The following CELF1 variants were observed in gnomAD, a reference collection of about 807,000 sequenced individuals.
The protein encoded by CELF1 is 50 kDa nuclear polyadenylated RNA-binding protein.
In CELF1, 10 loss-of-function variants were observed where a neutral mutation model predicts 61.8. The observed-to-expected ratio is 0.16, with a 90% CI of 0.10 to 0.27. The LOEUF (loss-of-function observed/expected upper bound fraction) is 0.27, where lower values mean the gene tolerates loss of function less well. CELF1 is among the 10% of genes least tolerant of loss of function. CELF1 has a pLI of 1.00. For synonymous variants in CELF1, 236 were observed against 225.1 expected (o/e 1.05, Z -0.43); for missense variants, 380 against 639.1 (o/e 0.59, Z 4.37).
chr11:47,532,511 TAG>T (rs1175986665), intron 1 of CELF1, among the ~76,000 whole-genome samples: 2 of 152,204 alleles, frequency 1.3e-5, no homozygotes, highest in African/African-American at 4.8e-5. Flanking sequence ...CTTCCATGGA[TAG>T]AAAGTTTCTC....
chr11:47,554,060 C>T (rs1012869762), upstream of CELF1, among the ~76,000 whole-genome samples: 2 of 152,064 alleles, frequency 1.3e-5, no homozygotes, highest in African/African-American at 4.8e-5. Context: ...TGGTTTCTCT[C>T]TAACATCATC....
intron 1 of CELF1, among the ~76,000 whole-genome samples, chr11:47,551,521 T>G (rs1181589697): frequency 6.6e-6 from 1 of 152,184 alleles, no homozygotes; most frequent in African/African-American, 2.4e-5. Flanking sequence ...ATTCCATGAT[T>G]TTCTAAGTGG....
At chr11:47,491,265 T>C (rs945527048) in intron 3 of CELF1, among the ~76,000 whole-genome samples, 8 of 151,734 alleles carry the variant, frequency 5.3e-5, no homozygotes, top group Admixed American at 2.0e-4. Flanking sequence ...CAGGTTCAAG[T>C]GATTCTCATG....
At chr11:47,565,321 A>T in exon 1 of CELF1, 1 of 193,426 alleles carries the variant, frequency 5.2e-6, no homozygotes, top group Non-Finnish European at 1.1e-5. Context: ...CACCGGCCAC[A>T]GGCGGGGGCC....
intron 2 of CELF1, among the ~76,000 whole-genome samples, chr11:47,500,442 C>T (rs2093752791): frequency 2.0e-5 from 3 of 152,038 alleles, no homozygotes; most frequent in Admixed American, 1.3e-4. Context: ...TTCTTACTAG[C>T]ATACTAGGAA....
intron 3 of CELF1, among the ~76,000 whole-genome samples, chr11:47,498,183 G>A (rs1038286766): frequency 1.3e-5 from 2 of 152,148 alleles, no homozygotes; most frequent in Non-Finnish European, 2.9e-5. Context: ...GAGGCAGCAG[G>A]ATAGCTTGAG....
intron 3 of CELF1, among the ~76,000 whole-genome samples, chr11:47,493,317 A>G (rs1019104790): frequency 4.1e-5 from 6 of 144,994 alleles, no homozygotes; most frequent in Non-Finnish European, 9.0e-5. Flanking sequence ...CCTGAACAAC[A>G]CGGTGAAACC....
intron 1 of CELF1, among the ~76,000 whole-genome samples, chr11:47,539,417 C>T (rs1565901746): frequency 6.6e-6 from 1 of 152,096 alleles, no homozygotes; most frequent in South Asian, 2.1e-4. Flanking sequence ...TTTGGGAGGC[C>T]GATGCGGACA....
At chr11:47,549,831 T>C (rs2097091977) in intron 1 of CELF1, among the ~76,000 whole-genome samples, 1 of 151,784 alleles carries the variant, frequency 6.6e-6, no homozygotes, top group Non-Finnish European at 1.5e-5. Context: ...TTTTTTTTTT[T>C]TCTGAGACAG....
At chr11:47,472,681 T>C (rs1482134965) in intron 14 of CELF1, among the ~76,000 whole-genome samples, 1 of 152,032 alleles carries the variant, frequency 6.6e-6, no homozygotes, top group Non-Finnish European at 1.5e-5. Context: ...CAGCCTCAAG[T>C]AGCTGGGAAC....
At position 47,529,568 on chromosome 11, in the gene CELF1, AG is replaced by A. The variant is rs532433448; in HGVS notation, c.-154+23423del. ...CAGCCACTTGGGAGGCTGAGGCAGG[AG>A]AATCATTTGAACCCAGGAAGTGGAG... On this transcript the variant is annotated intron_variant, in intron 1 of 14. Transcript: ENST00000687097. Among the ~76,000 whole-genome samples, 8 of 152,154 alleles carry A rather than the reference AG, an allele frequency of 5.3e-5. No homozygotes were observed. The South Asian group carries it at 1.5e-3, about 28-fold the overall frequency.
intron 1 of CELF1, among the ~76,000 whole-genome samples, chr11:47,510,843 T>G (rs11039266): frequency 0.2 from 30,583 of 152,006 alleles, 3,910 homozygotes; most frequent in East Asian, 0.28. Context: ...CTTGAAAAAC[T>G]TCCTTGATAT....
chr11:47,485,909 C>A (rs898614948), intron 6 of CELF1, among the ~76,000 whole-genome samples: 1 of 147,460 alleles, frequency 6.8e-6, no homozygotes, highest in Non-Finnish European at 1.5e-5. Flanking sequence ...CGCCTGTAAT[C>A]CCAGCACTTT....
intron 14 of CELF1, among the ~76,000 whole-genome samples, chr11:47,472,774 G>A (rs1471754359): frequency 6.6e-6 from 1 of 152,088 alleles, no homozygotes. Flanking sequence ...CGAACTCCTA[G>A]GCTCAAGCGA....
At chr11:47,561,261 G>A (rs1186338700) in intron 2 of CELF1, among the ~76,000 whole-genome samples, 3 of 150,714 alleles carry the variant, frequency 2.0e-5, no homozygotes, top group South Asian at 2.1e-4. Flanking sequence ...TGGCTAACAC[G>A]GAGAAACCCA....
intron 1 of CELF1, among the ~76,000 whole-genome samples, chr11:47,522,294 G>A (rs2095957058): frequency 6.6e-6 from 1 of 151,860 alleles, no homozygotes; most frequent in African/African-American, 2.4e-5. Flanking sequence ...GGGAGGCCAA[G>A]GCAGGTGGAT....
chr11:47,512,357 AT>A (rs1252897259), intron 1 of CELF1, among the ~76,000 whole-genome samples: 2 of 151,028 alleles, frequency 1.3e-5, no homozygotes, highest in East Asian at 3.9e-4. Context: ...TTTTCACTGT[AT>A]TAGCCAGGAT....
intron 1 of CELF1, chr11:47,524,455 T>G (rs1480642904): frequency 2.0e-5 from 3 of 152,194 alleles, no homozygotes; most frequent in African/African-American, 7.2e-5. Flanking sequence ...CCTAACAACC[T>G]GAAGCATTCT....
chr11:47,475,399 T>G lies in CELF1; in HGVS notation c.1210A>C (p.Thr404Pro). 1 of 1,613,860 alleles carries G rather than the reference T, an allele frequency of 6.2e-7. No individual in the cohort carries two copies. The highest frequency in any genetic ancestry group is 1.1e-5 in the South Asian group (1 of 91,046). Reference sequence around the variant, plus strand: ...GTCAGAAGATTCTGGTTGTACAGAGTGGGGAGCGCAGCAGCAGCATATTGC... The same window carrying G: ...GTCAGAAGATTCTGGTTGTACAGAGGGGGGAGCGCAGCAGCAGCATATTGC... Reference protein sequence around the residue: ...IQQYAAAALPTLYNQNLLTQQ... With the variant: ...IQQYAAAALPPLYNQNLLTQQ... The change falls in exon 13 of 15, where the codon ACT becomes CCT. Residue 404 changes from threonine (T) to proline (P), a missense_variant. Physicochemically the swap from Thr to Pro is conservative, Grantham distance 38. Transcript: ENST00000687097.
Sources: allele counts gnomAD v4.1 joint callset (sites outside exome capture counted in the v4.1 genomes callset), GRCh38; gene constraint gnomAD v4.1.1; transcripts MANE v1.5; gene names NCBI Gene and HGNC (gene_info 2026-07-23, HGNC 2026-07-21).